The following PCDH9 variants were observed in gnomAD, a reference collection of about 807,000 sequenced individuals.
The protein encoded by PCDH9 is protocadherin-9.
In PCDH9, 24 loss-of-function variants were observed where a neutral mutation model predicts 70.6. The ratio of observed to expected loss-of-function variants is 0.34; its 90% confidence interval spans 0.25 to 0.48. The LOEUF is 0.48. Among genes scored for constraint, PCDH9 ranks in the 20% least tolerant of loss-of-function variants. PCDH9 has a pLI of 0.99. For missense variants in PCDH9, 1,281 were observed against 1,503.6 expected, an observed-to-expected ratio of 0.85 and a Z score of 2.45; for synonymous variants, 562 against 558.5, an observed-to-expected ratio of 1.01 and a Z score of -0.09.
intron 3 of PCDH9, among the ~76,000 whole-genome samples, chr13:66,808,392 G>T (rs1298456898): frequency 2.6e-5 from 4 of 151,940 alleles, no homozygotes; most frequent in Admixed American, 6.6e-5. Flanking sequence ...GGCAATATGG[G>T]TTTACTATTT....
intron 2 of PCDH9, among the ~76,000 whole-genome samples, chr13:67,158,702 C>A (rs1180932119): frequency 6.6e-6 from 1 of 152,054 alleles, no homozygotes; most frequent in Non-Finnish European, 1.5e-5. Flanking sequence ...TTGAAGCCAC[C>A]CACTCTATGA....
intron 2 of PCDH9, among the ~76,000 whole-genome samples, chr13:67,022,348 C>G (rs1000307608): frequency 6.6e-6 from 1 of 151,406 alleles, no homozygotes. Flanking sequence ...CTCGAACTCC[C>G]GACCTCAGGT....
intron 3 of PCDH9, among the ~76,000 whole-genome samples, chr13:66,712,450 G>T (rs2078807563): frequency 6.6e-6 from 1 of 151,876 alleles, no homozygotes; most frequent in African/African-American, 2.4e-5. Flanking sequence ...TAACTTATAT[G>T]CAAATGGAAG....
intron 4 of PCDH9, among the ~76,000 whole-genome samples, chr13:66,421,856 A>G (rs1957573785): frequency 6.6e-6 from 1 of 152,238 alleles, no homozygotes; most frequent in Non-Finnish European, 1.5e-5. Flanking sequence ...TAAAAGGCAC[A>G]GACTGGCAAA....
chr13:66,838,223 T>C (rs1457827338), intron 3 of PCDH9, among the ~76,000 whole-genome samples: 1 of 152,156 alleles, frequency 6.6e-6, no homozygotes, highest in African/African-American at 2.4e-5. Context: ...TATTTCCATT[T>C]TCTTCTTGAA....
At chr13:67,189,568 G>A (rs1283034246) in intron 2 of PCDH9, among the ~76,000 whole-genome samples, 3 of 151,882 alleles carry the variant, frequency 2.0e-5, no homozygotes, top group Admixed American at 1.3e-4. Context: ...GCTTAACTGC[G>A]AGTAAAGAAA....
At position 66,303,715 on chromosome 13, in the gene PCDH9, C is replaced by T. The variant is rs948787296; in HGVS notation, c.*940G>A. On this transcript the variant is annotated 3_prime_UTR_variant, in exon 5 of 5. Coordinates refer to ENST00000377865, the MANE Select transcript of PCDH9 (RefSeq NM_203487.3). ...ATGGATAACAGTTTTCCATTACTCT[C>T]TCACTTAATGGTACTAATTAAGTGA... 3 of 152,392 alleles carry T rather than the reference C, an allele frequency of 2.0e-5. No homozygotes were observed. Among genetic ancestry groups the T allele is most frequent in the African/African-American group, 7.2e-5 (3 of 41,430 alleles). The allele number at this position is 152,392 out of a possible 1,614,324, so 9.4% of individuals were successfully genotyped here.
chr13:67,166,986 T>A (rs548113287), intron 2 of PCDH9, among the ~76,000 whole-genome samples: 19 of 152,226 alleles, frequency 1.2e-4, no homozygotes, highest in Non-Finnish European at 2.5e-4. Flanking sequence ...AATAATTACA[T>A]AATTTAGATC....
chr13:66,815,191 A>T (rs931861801), intron 3 of PCDH9, among the ~76,000 whole-genome samples: 1 of 152,100 alleles, frequency 6.6e-6, no homozygotes, highest in African/African-American at 2.4e-5. Context: ...TCACCAATCA[A>T]TAGAAAAATA....
intron 3 of PCDH9, among the ~76,000 whole-genome samples, chr13:66,700,204 T>G (rs1441468921): frequency 6.6e-6 from 1 of 152,136 alleles, no homozygotes; most frequent in Non-Finnish European, 1.5e-5. Flanking sequence ...TCGCTATTTG[T>G]AATGCAATAA....
chr13:67,077,022 A>G (rs1209800733), intron 2 of PCDH9, among the ~76,000 whole-genome samples: 2 of 152,198 alleles, frequency 1.3e-5, no homozygotes, highest in African/African-American at 2.4e-5. Flanking sequence ...AGAATTTTGC[A>G]TAAGGTTGCC....
At chr13:67,215,430 A>G (rs1165406302) in intron 2 of PCDH9, 6 of 152,112 alleles carry the variant, frequency 3.9e-5, no homozygotes, top group African/African-American at 1.4e-4. Context: ...TATCTCTATC[A>G]AGCACCTATG....
chr13:67,118,216 G>A (rs2086814216), intron 2 of PCDH9, among the ~76,000 whole-genome samples: 1 of 152,098 alleles, frequency 6.6e-6, no homozygotes, highest in Non-Finnish European at 1.5e-5. Flanking sequence ...CAGAGAGAAT[G>A]TTACCTTCAT....
At chr13:67,166,719 A>G (rs1055400358) in intron 2 of PCDH9, among the ~76,000 whole-genome samples, 1 of 152,160 alleles carries the variant, frequency 6.6e-6, no homozygotes, top group Admixed American at 6.6e-5. Context: ...TAGTAAGAGA[A>G]ATAAAGTTCT....
At chr13:66,384,562 A>T (rs991899931) in intron 4 of PCDH9, among the ~76,000 whole-genome samples, 8 of 152,004 alleles carry the variant, frequency 5.3e-5, no homozygotes, top group Admixed American at 5.2e-4. Context: ...TCTATTTCTT[A>T]GGTAATTTCT....
chr13:66,549,482 G>A (rs756069438), intron 4 of PCDH9, among the ~76,000 whole-genome samples: 12 of 151,676 alleles, frequency 7.9e-5, no homozygotes, highest in African/African-American at 2.2e-4. Context: ...TACATATACC[G>A]TATCACATTC....
At chr13:66,644,501 T>TA (rs922375175) in intron 3 of PCDH9, among the ~76,000 whole-genome samples, 3 of 151,916 alleles carry the variant, frequency 2.0e-5, no homozygotes, top group Non-Finnish European at 4.4e-5. Context: ...ATAACAGACT[T>TA]CGGGCAATTT....
In PCDH9 at chr13:66,713,712, A is replaced by G. The variant is rs142207978; in HGVS notation, c.3139-82301T>C. 3.5e-3 allele frequency among the ~76,000 whole-genome samples: 528 copies of G among 149,862 alleles called. 2 individuals carry two copies. The highest frequency in any genetic ancestry group is 0.012 in the African/African-American group (495 of 40,726). On this transcript the variant is annotated intron_variant, in intron 3 of 4. Transcript: ENST00000377865. Reference sequence around the variant, plus strand: ...CACAGGTTTGAATTGCATGGGTCAAATAGACATATCTTCTTACCTCTCCAC... The same window carrying G: ...CACAGGTTTGAATTGCATGGGTCAAGTAGACATATCTTCTTACCTCTCCAC...
chr13:67,110,271 C>T (rs2086631325), intron 2 of PCDH9, among the ~76,000 whole-genome samples: 1 of 151,484 alleles, frequency 6.6e-6, no homozygotes, highest in African/African-American at 2.4e-5. Flanking sequence ...CACCTGTAAT[C>T]CCAGCACTTT....
Sources: gnomAD v4.1 joint callset for allele counts (sites outside exome capture counted in the v4.1 genomes callset) on GRCh38, gnomAD v4.1.1 for gene constraint, MANE v1.5 for transcripts, NCBI Gene and HGNC (gene_info 2026-07-23, HGNC 2026-07-21) for gene names.